The following SUGCT variants were observed in gnomAD, a reference collection of about 807,000 sequenced individuals.
The protein encoded by SUGCT is succinyl-CoA:glutarate-CoA transferase, also known as succinyl-CoA:glutarate CoA-transferase.
A neutral mutation model predicts 55.0 loss-of-function variants in SUGCT; 41 were observed. That is an observed-to-expected ratio of 0.74 (90% CI 0.58 to 0.97). SUGCT has a LOEUF of 0.97. Among genes scored for constraint, SUGCT ranks in the 50% least tolerant of loss-of-function variants. The probability of loss-of-function intolerance (pLI) is 0.00; values close to 1 mark genes in which losing one functional copy is unlikely to be tolerated. For synonymous variants in SUGCT, 187 were observed against 200.4 expected (o/e 0.93, Z 0.56); for missense variants, 568 against 547.8 (o/e 1.04, Z -0.37).
intron 1 of SUGCT, among the ~76,000 whole-genome samples, chr7:40,171,675 G>A (rs906291933): frequency 6.6e-6 from 1 of 152,198 alleles, no homozygotes; most frequent in African/African-American, 2.4e-5. Context: ...TCCTCTAAAC[G>A]TTACTTTTCT....
chr7:40,294,543 A>T (rs1027384053), intron 8 of SUGCT, among the ~76,000 whole-genome samples: 3 of 152,012 alleles, frequency 2.0e-5, no homozygotes, highest in Non-Finnish European at 4.4e-5. Context: ...CGTTATGATG[A>T]TGAAGATGAT....
chr7:40,172,337 G>T (rs192947155), intron 1 of SUGCT, among the ~76,000 whole-genome samples: 156 of 152,208 alleles, frequency 1.0e-3, no homozygotes, highest in African/African-American at 3.5e-3. Context: ...GGTGGGAAAC[G>T]GGTCCCACAT....
At chr7:40,800,808 ATACTT>A (rs1790780341) in intron 13 of SUGCT, among the ~76,000 whole-genome samples, 1 of 152,240 alleles carries the variant, frequency 6.6e-6, no homozygotes, top group African/African-American at 2.4e-5. Context: ...AGTGTCTACT[ATACTT>A]CAGGCATTAT....
At chr7:40,699,390 A>G (rs1212135042) in intron 12 of SUGCT, among the ~76,000 whole-genome samples, 1 of 152,076 alleles carries the variant, frequency 6.6e-6, no homozygotes, top group African/African-American at 2.4e-5. Flanking sequence ...GAAGAAAGGG[A>G]GCTCAGGCCA....
At chr7:40,308,397 G>A (rs1391456088) in intron 8 of SUGCT, among the ~76,000 whole-genome samples, 1 of 151,982 alleles carries the variant, frequency 6.6e-6, no homozygotes, top group East Asian at 1.9e-4. Flanking sequence ...TTGGTCTTTA[G>A]TTTTTTCTTA....
the SUGCT span, among the ~76,000 whole-genome samples, chr7:40,989,093 G>A: frequency 6.6e-6 from 1 of 151,832 alleles, no homozygotes; most frequent in South Asian, 2.1e-4. Context: ...GACCCTAATT[G>A]AACATACTTT....
At chr7:40,979,378 A>T in the SUGCT span, 2 of 152,238 alleles carry the variant, frequency 1.3e-5, no homozygotes, top group Non-Finnish European at 2.9e-5. Context: ...TTTTACCTTT[A>T]TGTAGGTACT....
At chr7:41,022,470 A>G in the SUGCT span, among the ~76,000 whole-genome samples, 1 of 152,208 alleles carries the variant, frequency 6.6e-6, no homozygotes, top group Non-Finnish European at 1.5e-5. Flanking sequence ...ATTAAATTAG[A>G]TGAGAATTAA....
At chr7:40,864,785 C>A (rs936714010), downstream of SUGCT, among the ~76,000 whole-genome samples, 1 of 152,088 alleles carries the variant, frequency 6.6e-6, no homozygotes, top group Non-Finnish European at 1.5e-5. Context: ...TTGGAAGACT[C>A]TGGAAGCCAC....
At chr7:40,513,783 A>ATTT (rs869065628) in intron 12 of SUGCT, among the ~76,000 whole-genome samples, 5,694 of 103,832 alleles carry the variant, frequency 0.055, 159 homozygotes, top group Non-Finnish European at 0.066. Context: ...TCAGGGAAGT[A>ATTT]TTTTTTTTTT....
chr7:40,377,902 T>C (rs1006197403), intron 9 of SUGCT, among the ~76,000 whole-genome samples: 9 of 152,224 alleles, frequency 5.9e-5, no homozygotes, highest in Admixed American at 1.3e-4. Flanking sequence ...ACTTTAGATA[T>C]AATATGCCAT....
At chr7:40,777,727 T>C (rs1032105656) in intron 13 of SUGCT, among the ~76,000 whole-genome samples, 9 of 152,034 alleles carry the variant, frequency 5.9e-5, no homozygotes, top group Non-Finnish European at 1.2e-4. Context: ...GGGGGCCTTT[T>C]TTTTCTTCTC....
intron 6 of SUGCT, among the ~76,000 whole-genome samples, chr7:40,203,134 T>C (rs1016207738): frequency 6.6e-6 from 1 of 152,172 alleles, no homozygotes; most frequent in Admixed American, 6.5e-5. Flanking sequence ...GCTCCTCTCT[T>C]ATGACAGAAT....
At chr7:41,027,190 A>G in the SUGCT span, among the ~76,000 whole-genome samples, 4 of 152,340 alleles carry the variant, frequency 2.6e-5, no homozygotes, top group African/African-American at 9.6e-5. Flanking sequence ...TACGGCCTTA[A>G]TGGCTGGTCC....
chr7:40,180,689 A>G (rs1014736240), intron 1 of SUGCT, among the ~76,000 whole-genome samples: 1 of 151,998 alleles, frequency 6.6e-6, no homozygotes, highest in Non-Finnish European at 1.5e-5. Flanking sequence ...GGGTTTCACC[A>G]TGTTGGCCAG....
intron 9 of SUGCT, among the ~76,000 whole-genome samples, chr7:40,323,647 C>T (rs1391002136): frequency 2.0e-5 from 3 of 152,168 alleles, no homozygotes; most frequent in Non-Finnish European, 4.4e-5. Context: ...CCCACCTTCA[C>T]CTCCCAAAGT....
chr7:40,612,604 A>G (rs1416839813), intron 12 of SUGCT, among the ~76,000 whole-genome samples: 1 of 152,212 alleles, frequency 6.6e-6, no homozygotes, highest in Non-Finnish European at 1.5e-5. Context: ...CTTCCTTGAT[A>G]GCTGTGCAGC....
chr7:40,155,408 T>C (rs1783838422), intron 1 of SUGCT, among the ~76,000 whole-genome samples: 1 of 150,476 alleles, frequency 6.6e-6, no homozygotes, highest in South Asian at 2.1e-4. Context: ...GGATGATGCA[T>C]GTGAGCTTAT....
At chr7:40,462,739 T>A (rs1325881344) in intron 11 of SUGCT, among the ~76,000 whole-genome samples, 6 of 152,120 alleles carry the variant, frequency 3.9e-5, no homozygotes, top group Non-Finnish European at 8.8e-5. Flanking sequence ...TAAAATACAG[T>A]CAAGAATTCC....
Sources: gnomAD v4.1 joint callset for allele counts (sites outside exome capture counted in the v4.1 genomes callset) on GRCh38, gnomAD v4.1.1 for gene constraint, MANE v1.5 for transcripts, NCBI Gene and HGNC (gene_info 2026-07-23, HGNC 2026-07-21) for gene names.